Variants in RNF216 observed in about 807,000 individuals in gnomAD.
The protein encoded by RNF216 is ring finger protein 216.
Under a neutral mutation model 110.8 loss-of-function variants are expected in RNF216, and 72 were observed. The ratio of observed to expected loss-of-function variants is 0.65; its 90% confidence interval spans 0.54 to 0.79. The LOEUF (loss-of-function observed/expected upper bound fraction) is 0.79. RNF216 is among the 30% of genes least tolerant of loss of function. RNF216 has a pLI of 0.00. For missense variants in RNF216, 1,342 were observed against 1,141.2 expected, an observed-to-expected ratio of 1.18 and a Z score of -2.54; for synonymous variants, 495 against 407.5, an observed-to-expected ratio of 1.21 and a Z score of -2.59.
At chr7:5,677,759 G>A (rs1790395044) in intron 13 of RNF216, among the ~76,000 whole-genome samples, 1 of 152,112 alleles carries the variant, frequency 6.6e-6, no homozygotes, top group Non-Finnish European at 1.5e-5. Flanking sequence ...GGAAATCCTA[G>A]GAATCAGAGT....
At chr7:5,664,367 C>T (rs1789367868) in intron 13 of RNF216, among the ~76,000 whole-genome samples, 1 of 152,122 alleles carries the variant, frequency 6.6e-6, no homozygotes, top group Non-Finnish European at 1.5e-5. Context: ...TAATGTCTTT[C>T]CCCAATTTAA....
intron 1 of RNF216, among the ~76,000 whole-genome samples, chr7:5,765,642 A>G (rs557975236): frequency 6.6e-6 from 1 of 150,432 alleles, no homozygotes; most frequent in East Asian, 2.0e-4. Context: ...ACAAACAAAA[A>G]GCATGAAAAA....
At chr7:5,684,019 G>T (rs184761606) in intron 13 of RNF216, among the ~76,000 whole-genome samples, 12 of 151,450 alleles carry the variant, frequency 7.9e-5, no homozygotes, top group African/African-American at 2.7e-4. Context: ...CAAGGCAGCA[G>T]CAAGTTGATT....
intron 1 of RNF216, among the ~76,000 whole-genome samples, chr7:5,769,225 C>G (rs1164140552): frequency 1.3e-5 from 2 of 150,754 alleles, no homozygotes; most frequent in African/African-American, 4.9e-5. Context: ...TCAAGTGATT[C>G]TCCTGCCTCA....
chr7:5,661,699 A>G (rs556506074), intron 13 of RNF216, among the ~76,000 whole-genome samples: 1 of 152,270 alleles, frequency 6.6e-6, no homozygotes, highest in African/African-American at 2.4e-5. Context: ...GCTACTTGGG[A>G]GGCTGAGGCA....
Position 5,711,846 on chromosome 7 carries a change from T to C in RNF216, c.1983-7A>G. On this transcript the variant is annotated splice_polypyrimidine_tract_variant and splice_region_variant and intron_variant, in intron 12 of 16. Coordinates refer to ENST00000389902, the MANE Select transcript of RNF216 (RefSeq NM_207111.4). Reference sequence around the variant, plus strand: ...AAAGCTACAGGACGGGCACCTAGAGTCAGAACAGCAGAACTGACATTACTT... The same window carrying C: ...AAAGCTACAGGACGGGCACCTAGAGCCAGAACAGCAGAACTGACATTACTT... 2 of 1,612,792 alleles carry C rather than the reference T, an allele frequency of 1.2e-6. No homozygotes were observed. The highest frequency in any genetic ancestry group is 1.7e-4 in the Middle Eastern group (1 of 6,040).
chr7:5,712,515 T>C (rs1025308226), intron 12 of RNF216, among the ~76,000 whole-genome samples, 200 bp downstream of exon 12: 2 of 151,246 alleles, frequency 1.3e-5, no homozygotes, highest in African/African-American at 4.9e-5. Flanking sequence ...TTTCCATTAA[T>C]AGAATTACTG....
At chr7:5,651,054 ATATATG>A (rs1162295337) in intron 14 of RNF216, among the ~76,000 whole-genome samples, 1 of 152,230 alleles carries the variant, frequency 6.6e-6, no homozygotes, top group Admixed American at 6.5e-5. Flanking sequence ...CGGAAGTGAG[ATATATG>A]TATATAATTC....
chr7:5,780,914 G>A (rs1249412557), intron 1 of RNF216, among the ~76,000 whole-genome samples: 2 of 152,164 alleles, frequency 1.3e-5, no homozygotes, highest in East Asian at 1.9e-4. Context: ...GTTCCACCGG[G>A]AGCAGAACCA....
At chr7:5,686,969 T>C (rs1301075800) in intron 13 of RNF216, among the ~76,000 whole-genome samples, 1 of 152,196 alleles carries the variant, frequency 6.6e-6, no homozygotes, top group Non-Finnish European at 1.5e-5. Context: ...GCTCACCTCC[T>C]GTGTGGCCTG....
chr7:5,660,440 C>T (rs912452343), intron 13 of RNF216, among the ~76,000 whole-genome samples: 20 of 150,838 alleles, frequency 1.3e-4, no homozygotes, highest in African/African-American at 4.9e-4. Flanking sequence ...TACAGGCGCC[C>T]GCGACCACAC....
chr7:5,657,056 T>C (rs1365916173), intron 13 of RNF216, among the ~76,000 whole-genome samples: 1 of 152,242 alleles, frequency 6.6e-6, no homozygotes, highest in African/African-American at 2.4e-5. Context: ...TCCGTCCCCA[T>C]GCGTGCTAGA....
At chr7:5,734,825 A>AAATAAATAAAT (rs1794298553) in intron 5 of RNF216, among the ~76,000 whole-genome samples, 7 of 118,096 alleles carry the variant, frequency 5.9e-5, no homozygotes, top group East Asian at 2.8e-4. Flanking sequence ...ACTCTCTCTC[A>AAATAAATAAAT]AAATAAATAA....
chr7:5,674,767 T>C (rs6945345), intron 13 of RNF216, among the ~76,000 whole-genome samples: 3 of 151,912 alleles, frequency 2.0e-5, no homozygotes, highest in Non-Finnish European at 4.4e-5. Flanking sequence ...AGGCCGAGGT[T>C]GGCAGATCAC....
chr7:5,734,716 C>T (rs1234469903), intron 5 of RNF216, among the ~76,000 whole-genome samples: 1 of 151,248 alleles, frequency 6.6e-6, no homozygotes, highest in Admixed American at 6.6e-5. Context: ...CCCAGCTATT[C>T]GGGAGACTGA....
rs144611882 is a variant in RNF216 at position 5,700,661 on chromosome 7, G to A, written c.2061+11100C>T. ...TTTAATTAAGTACCCATAGAAACTC[G>A]TTAAAAATCCACAGAGAATCTTTTT... On this transcript the variant is annotated intron_variant, in intron 13 of 16. Coordinates refer to ENST00000389902, the MANE Select transcript of RNF216 (RefSeq NM_207111.4). 9.2e-4 allele frequency among the ~76,000 whole-genome samples: 140 copies of A among 152,250 alleles called. 2 individuals carry two copies. In the East Asian group the frequency reaches 0.024, roughly 27 times the overall value.
Position 5,622,985 on chromosome 7 carries a change from T to C in RNF216, c.2647A>G (p.Ile883Val), listed in dbSNP as rs758116231. The C allele has an allele frequency of 1.2e-6, 2 of 1,613,962 alleles. No individual in the cohort carries two copies. The highest frequency in any genetic ancestry group is 2.2e-5 in the South Asian group (2 of 91,072). ...FNNFPLNMGP[I>V]PAPYVPPLPN... ...AGAGGGGGCACGTACGGGGCTGGGA[T>C]AGGCCCCATGTTGAGTGGGAAGTTG... Residue 883 changes from isoleucine (I) to valine (V), a missense_variant, in exon 17 of 17, where the codon ATC becomes GTC. Physicochemically the swap from Ile to Val is conservative, Grantham distance 29. Coordinates refer to ENST00000389902, the MANE Select transcript of RNF216 (RefSeq NM_207111.4).
chr7:5,676,414 T>C (rs852405), intron 13 of RNF216, among the ~76,000 whole-genome samples: 13,492 of 152,196 alleles, frequency 0.089, 1,494 homozygotes, highest in African/African-American at 0.26. Flanking sequence ...CTGACGGCAG[T>C]TGCAAAAAGT....
intron 13 of RNF216, among the ~76,000 whole-genome samples, chr7:5,663,846 C>T (rs1056396590): frequency 5.9e-5 from 9 of 151,684 alleles, no homozygotes; most frequent in East Asian, 1.9e-4. Flanking sequence ...TGCAATGAGC[C>T]GAGATCCTGC....
Sources: allele counts gnomAD v4.1 joint callset (sites outside exome capture counted in the v4.1 genomes callset), GRCh38; gene constraint gnomAD v4.1.1; transcripts MANE v1.5; gene names NCBI Gene and HGNC (gene_info 2026-07-23, HGNC 2026-07-21).